Variants in ZNF529 observed in about 807,000 individuals in gnomAD.
ZNF529 encodes the protein zinc finger protein 529.
In ZNF529, 11 loss-of-function variants were observed where a neutral mutation model predicts 10.1. The observed-to-expected ratio is 1.09, with a 90% CI of 0.69 to 1.81. The LOEUF (loss-of-function observed/expected upper bound fraction) is 1.81. Ranked by LOEUF, ZNF529 falls within the 40% of genes most tolerant of loss-of-function variation. The probability of loss-of-function intolerance (pLI) is 0.00; values close to 1 mark genes in which losing one functional copy is unlikely to be tolerated. For missense variants in ZNF529, 624 were observed against 666.8 expected (o/e 0.94, Z 0.71); for synonymous variants, 204 against 215.7 (o/e 0.95, Z 0.47).
At chr19:36,595,026 G>A (rs1335529793) in intron 1 of ZNF529, among the ~76,000 whole-genome samples, 1 of 152,018 alleles carries the variant, frequency 6.6e-6, no homozygotes, top group Non-Finnish European at 1.5e-5. Flanking sequence ...TTACAGGCAT[G>A]CACCACCATG....
chr19:36,580,771 G>C (rs151296612), intron 2 of ZNF529: 2 of 152,260 alleles, frequency 1.3e-5, no homozygotes, highest in African/African-American at 4.8e-5. Flanking sequence ...CATATATGCA[G>C]ATTCAACCAA....
chr19:36,576,232 A>C (rs2036314250), upstream of ZNF529, among the ~76,000 whole-genome samples: 1 of 152,176 alleles, frequency 6.6e-6, no homozygotes, highest in African/African-American at 2.4e-5. Context: ...TTTCCTGCAA[A>C]TTATAAAAGC....
intron 1 of ZNF529, among the ~76,000 whole-genome samples, chr19:36,590,290 G>T (rs1053768956): frequency 2.6e-5 from 4 of 152,004 alleles, no homozygotes; most frequent in Non-Finnish European, 5.9e-5. Context: ...CAGAAGGATC[G>T]CTTGAGCCCG....
chr19:36,592,064 G>T lies in ZNF529; in HGVS notation c.-127-2363C>A, dbSNP rs756505459. On this transcript the variant is annotated intron_variant, in intron 1 of 4. Coordinates refer to the ZNF529 transcript ENST00000585960. ...CATAGCGGGTGGATCACTTGAGGTC[G>T]GGAGTTGGGAGACCAGACTGGCCAA... Among the ~76,000 whole-genome samples, 7 of 151,560 alleles carry T rather than the reference G, an allele frequency of 4.6e-5. No individual in the cohort carries two copies. In the East Asian group the frequency reaches 1.4e-3, roughly 30 times the overall value.
chr19:36,592,551 G>A (rs967771334), intron 1 of ZNF529, among the ~76,000 whole-genome samples: 8 of 149,664 alleles, frequency 5.3e-5, no homozygotes, highest in African/African-American at 2.0e-4. Flanking sequence ...CCGAGATCAC[G>A]CCGCTGCAAT....
intron 4 of ZNF529, among the ~76,000 whole-genome samples, chr19:36,553,776 C>G (rs919914132): frequency 6.6e-6 from 1 of 152,034 alleles, no homozygotes; most frequent in Non-Finnish European, 1.5e-5. Flanking sequence ...TTGTACATGC[C>G]GAATCTACAA....
chr19:36,576,982 G>C (rs1454003440), upstream of ZNF529, among the ~76,000 whole-genome samples: 1 of 148,486 alleles, frequency 6.7e-6, no homozygotes, highest in Non-Finnish European at 1.5e-5. Flanking sequence ...TTTGAGACAG[G>C]GTCTTTGTCA....
At chr19:36,551,670 T>C (rs1473275854) in intron 4 of ZNF529, among the ~76,000 whole-genome samples, 2 of 152,172 alleles carry the variant, frequency 1.3e-5, no homozygotes, top group Admixed American at 1.3e-4. Context: ...GAATGACAAA[T>C]TGAAACACAC....
At chr19:36,569,641 C>G (rs2036025696) in intron 2 of ZNF529, among the ~76,000 whole-genome samples, 1 of 152,002 alleles carries the variant, frequency 6.6e-6, no homozygotes, top group Non-Finnish European at 1.5e-5. Context: ...GTGGTGCACA[C>G]CTGTAGTCCC....
Position 36,546,193 on chromosome 19 carries a change from T to C in ZNF529, c.*673A>G, listed in dbSNP as rs1221238496. ...TGATATGTATAGTATACATCACACA[T>C]ACACTATATACACTATATGTGTATA... On this transcript the variant is annotated 3_prime_UTR_variant, in exon 5 of 5. Coordinates refer to ENST00000591340, the MANE Select transcript of ZNF529 (RefSeq NM_020951.5). 1 of 147,132 alleles carries C rather than the reference T, an allele frequency of 6.8e-6. No individual in the cohort carries two copies. The highest frequency in any genetic ancestry group is 2.0e-4 in the East Asian group (1 of 5,056). 9.1% of individuals were successfully genotyped at this position (147,132 alleles called of 1,614,324 possible). A position where few individuals can be genotyped will look rare whatever the true frequency, so the allele number is the denominator to read the frequency against.
At chr19:36,549,007 A>G (rs1283153424) in intron 4 of ZNF529, among the ~76,000 whole-genome samples, 1 of 152,200 alleles carries the variant, frequency 6.6e-6, no homozygotes, top group African/African-American at 2.4e-5. Context: ...CGTCTCAAAA[A>G]AAACCACCTC....
At chr19:36,580,422 G>A (rs1445366930) in intron 2 of ZNF529, 3 of 152,150 alleles carry the variant, frequency 2.0e-5, no homozygotes, top group Non-Finnish European at 2.9e-5. Context: ...AAGCACAGTA[G>A]GTTTATTTAC....
rs113463285 is a variant in ZNF529 at position 36,552,445 on chromosome 19, T to TCAA, written c.235+2222_235+2224dup. On this transcript the variant is annotated intron_variant, in intron 4 of 4. Coordinates refer to ENST00000591340, the MANE Select transcript of ZNF529 (RefSeq NM_020951.5). ...GTCTCAAAAAAATCAATAAATAAAA[T>TCAA]CAACAACAACAACAACAACAACATC... 6.7e-4 allele frequency among the ~76,000 whole-genome samples: 101 copies of TCAA among 151,736 alleles called. 1 individual carries two copies. Among genetic ancestry groups the TCAA allele is most frequent in the East Asian group, 7.8e-4 (4 of 5,150 alleles).
intron 1 of ZNF529, among the ~76,000 whole-genome samples, chr19:36,600,764 G>C (rs2036911416): frequency 6.6e-6 from 1 of 152,170 alleles, no homozygotes; most frequent in Non-Finnish European, 1.5e-5. Context: ...TCCAGGTGAA[G>C]TATCCCTGTT....
intron 4 of ZNF529, among the ~76,000 whole-genome samples, chr19:36,548,630 A>ATTAT (rs2035144064): frequency 6.6e-6 from 1 of 152,252 alleles, no homozygotes; most frequent in South Asian, 2.1e-4. Flanking sequence ...ATGCTAACGC[A>ATTAT]GATCAAAATT....
At chr19:36,602,193 A>G (rs1307362873) in intron 1 of ZNF529, among the ~76,000 whole-genome samples, 1 of 151,892 alleles carries the variant, frequency 6.6e-6, no homozygotes, top group East Asian at 1.9e-4. Flanking sequence ...GATTACAGGC[A>G]TATGCCACCA....
Position 36,548,106 on chromosome 19 carries a change from CT to C in ZNF529, c.451del (p.Ser151ValfsTer34). The C allele has an allele frequency of 6.2e-7, 1 of 1,613,892 alleles. No homozygotes were observed. Among genetic ancestry groups the C allele is most frequent in the African/African-American group, 1.3e-5 (1 of 75,052 alleles). On this transcript the variant is annotated frameshift_variant, in exon 5 of 5. Transcript: ENST00000591340. LOFTEE classifies it low-confidence loss of function (END_TRUNC). ...AGTAAGAGATTCATGAGTTTTGTAA[CT>C]GGGCACATTTTCAGAGATGATTTTC... ...QMKIISENVPSYKTHESLTLP... is the reference protein window; with the variant it reads ...QMKIISENVPXYKTHESLTLP...
At chr19:36,588,829 G>A (rs1475728700) in intron 2 of ZNF529, among the ~76,000 whole-genome samples, 2 of 152,008 alleles carry the variant, frequency 1.3e-5, no homozygotes, top group African/African-American at 4.8e-5. Flanking sequence ...CTCTTCAACT[G>A]TATCCTTTGT....
Position 36,556,106 on chromosome 19 carries a change from G to C in ZNF529, c.106C>G (p.His36Asp). The change falls in exon 3 of 5, where the codon CAT (histidine) becomes GAT (aspartate). Residue 36 changes from histidine to aspartate, a missense_variant and splice_region_variant. By Grantham distance (81) the His-to-Asp change is moderately conservative. Coordinates refer to ENST00000591340, the MANE Select transcript of ZNF529 (RefSeq NM_020951.5). ...GAAAAGAGAAGTAGTTAACTTACATGGTCCATGGTTAGAACTGTAAAGAAT... is the reference window on the plus strand; with the variant it reads ...GAAAAGAGAAGTAGTTAACTTACATCGTCCATGGTTAGAACTGTAAAGAAT... ...DQFFTVLTMD[H>D]ELVTLRDVVI... 1.3e-6 allele frequency: 2 copies of C among 1,550,822 alleles called. No individual in the cohort carries two copies. Among genetic ancestry groups the C allele is most frequent in the African/African-American group, 1.4e-5 (1 of 73,098 alleles).
Sources: gnomAD v4.1 joint callset for allele counts (sites outside exome capture counted in the v4.1 genomes callset) on GRCh38, gnomAD v4.1.1 for gene constraint, MANE v1.5 for transcripts, NCBI Gene and HGNC (gene_info 2026-07-23, HGNC 2026-07-21) for gene names.